Variants in MKRN1 observed in about 807,000 individuals in gnomAD.
The protein encoded by MKRN1 is E3 ubiquitin-protein ligase makorin-1.
MKRN1 carries 9 observed loss-of-function variants against 55.5 expected under a neutral mutation model. The ratio of observed to expected loss-of-function variants is 0.16; its 90% CI spans 0.10 to 0.28. The LOEUF (loss-of-function observed/expected upper bound fraction) is 0.28, where lower values mean the gene tolerates loss of function less well. Among genes scored for constraint, MKRN1 ranks in the 10% least tolerant of loss-of-function variants. MKRN1 has a pLI of 1.00. For missense variants in MKRN1, 488 were observed against 626.7 expected, an observed-to-expected ratio of 0.78 and a Z score of 2.36; for synonymous variants, 253 against 235.9, an observed-to-expected ratio of 1.07 and a Z score of -0.66.
intron 1 of MKRN1, among the ~76,000 whole-genome samples, chr7:140,474,035 AAGAAAGAAAG>A (rs1795035654): frequency 1.1e-5 from 1 of 92,860 alleles, no homozygotes; most frequent in Non-Finnish European, 1.9e-5. Context: ...GAAAGAAAGA[AAGAAAGAAAG>A]AAAGAAAGAA....
In MKRN1 at chr7:140,460,044, T is replaced by C. The variant is rs1237384711; in HGVS notation, c.315-108A>G. On this transcript the variant is annotated intron_variant, in intron 2 of 7. Coordinates refer to ENST00000255977, the MANE Select transcript of MKRN1 (RefSeq NM_013446.4). Reference sequence around the variant, plus strand: ...GGTGGATCACCAGAGAGGTTGGGAGTTCGAGACCAGCCTGGCCAATGTGGT... The same window carrying C: ...GGTGGATCACCAGAGAGGTTGGGAGCTCGAGACCAGCCTGGCCAATGTGGT... The C allele has an allele frequency of 6.3e-6, 6 of 952,104 alleles. No individual in the cohort carries two copies. The South Asian group carries it at 9.0e-5, about 14-fold the overall frequency. 59.0% of individuals were successfully genotyped at this position (952,104 alleles called of 1,614,324 possible). A position where few individuals can be genotyped will look rare whatever the true frequency, so the allele number is the denominator to read the frequency against.
chr7:140,458,326 CA>C (rs1794524263), intron 4 of MKRN1, among the ~76,000 whole-genome samples: 1 of 152,134 alleles, frequency 6.6e-6, no homozygotes. Flanking sequence ...ATTCAGCCAT[CA>C]AAACTAAGAA....
At chr7:140,474,125 G>A (rs1377028129) in intron 1 of MKRN1, among the ~76,000 whole-genome samples, 1 of 152,002 alleles carries the variant, frequency 6.6e-6, no homozygotes, top group Non-Finnish European at 1.5e-5. Context: ...ACTTTGGGAG[G>A]CAGAGGCAGG....
intron 2 of MKRN1, among the ~76,000 whole-genome samples, chr7:140,469,187 G>A (rs7786776): frequency 0.27 from 40,813 of 151,852 alleles, 9,340 homozygotes; most frequent in African/African-American, 0.63. Context: ...TTAGCCAGGC[G>A]TGGTGGCGGG....
intron 2 of MKRN1, among the ~76,000 whole-genome samples, chr7:140,466,391 C>A (rs1245053780): frequency 2.0e-5 from 3 of 152,134 alleles, no homozygotes; most frequent in African/African-American, 4.8e-5. Context: ...AGGCCAGGCC[C>A]AGTAGGCTCA....
At chr7:140,478,951 G>A in intron 1 of MKRN1, 3 of 509,752 alleles carry the variant, frequency 5.9e-6, no homozygotes, top group South Asian at 9.9e-5. Flanking sequence ...GGACAGCGCT[G>A]AGGGCTCCGC....
chr7:140,468,453 C>A (rs894558969), intron 2 of MKRN1, among the ~76,000 whole-genome samples: 7 of 147,348 alleles, frequency 4.8e-5, no homozygotes, highest in African/African-American at 1.5e-4. Context: ...GTAATCCCAG[C>A]ACTTTGGGAG....
At chr7:140,455,298 C>A in intron 6 of MKRN1, 65 bp from the exon 7 acceptor site, 1 of 1,594,788 alleles carries the variant, frequency 6.3e-7, no homozygotes, top group South Asian at 1.1e-5. Context: ...GACTATCATC[C>A]GGGGTTTCTT....
Position 140,454,370 on chromosome 7 carries a change from GA to G in MKRN1, c.*146del, listed in dbSNP as rs1794408039. On this transcript the variant is annotated 3_prime_UTR_variant, in exon 8 of 8. Transcript: ENST00000255977. ...ACTCCTCAGGGAAAGGTGAGGGGTT[GA>G]GAAGACAGGCCCTGGGTAAAAATTC... 2.9e-6 allele frequency: 2 copies of G among 696,082 alleles called. No individual in the cohort carries two copies. Among genetic ancestry groups the G allele is most frequent in the Admixed American group, 5.0e-5 (2 of 39,748 alleles). 43.1% of individuals were successfully genotyped at this position (696,082 alleles called of 1,614,324 possible).
intron 2 of MKRN1, among the ~76,000 whole-genome samples, chr7:140,466,568 G>A (rs542840367): frequency 6.3e-4 from 96 of 152,220 alleles, no homozygotes; most frequent in African/African-American, 2.3e-3. Flanking sequence ...ACTTTGGGAG[G>A]CCGAGGCGGG....
At chr7:140,473,933 A>G (rs1383704133) in intron 1 of MKRN1, 1 of 150,618 alleles carries the variant, frequency 6.6e-6, no homozygotes, top group Non-Finnish European at 1.5e-5. Flanking sequence ...TGGCGATTGC[A>G]CCGAGCCAAG....
chr7:140,455,897 G>C lies in MKRN1; in HGVS notation c.990C>G (p.Ser330=). 5 of 1,612,068 alleles carry C rather than the reference G, an allele frequency of 3.1e-6. No individual in the cohort carries two copies. Among genetic ancestry groups the C allele is most frequent in the Non-Finnish European group, 4.2e-6 (5 of 1,178,132 alleles). ...TAGATGTGATCCGGCATTCTGGGCA[G>C]GACCTGGGAAACAATGAACAGGCTG... ...AKQFESKIIK[S]CPECRITSNF... is the part of the protein sequence containing the mutation. Residue 330 remains serine (S), a synonymous_variant, in exon 6 of 8, where the codon TCC becomes TCG. Coordinates refer to ENST00000255977, the MANE Select transcript of MKRN1 (RefSeq NM_013446.4).
At chr7:140,460,225 C>T (rs533122979) in intron 2 of MKRN1, 227 of 192,220 alleles carry the variant, frequency 1.2e-3, no homozygotes, top group African/African-American at 5.0e-3. Context: ...CCAGCCTGGG[C>T]GACAGAGTGA....
intron 1 of MKRN1, among the ~76,000 whole-genome samples, chr7:140,477,377 A>C (rs1202285441): frequency 6.6e-6 from 1 of 151,954 alleles, no homozygotes; most frequent in East Asian, 1.9e-4. Flanking sequence ...GCTGGAGTGA[A>C]GTGGTGTGAT....
In MKRN1 at chr7:140,459,253, T is replaced by TG. The variant is rs761670884; in HGVS notation, c.545-21dup. ...GCGCAGCTGAAAATGTGTAAGAGGG[T>TG]GGTAAAGGTCCAAATAGATAAGGCA... On this transcript the variant is annotated intron_variant, in intron 3 of 7. Transcript: ENST00000255977. The TG allele has an allele frequency of 4.2e-5, 67 of 1,611,754 alleles. No homozygotes were observed. Among genetic ancestry groups the TG allele is most frequent in the Non-Finnish European group, 5.7e-5 (67 of 1,178,376 alleles).
intron 7 of MKRN1, 53 bp from the exon 8 acceptor site, chr7:140,454,782 T>C: frequency 1.3e-6 from 2 of 1,564,926 alleles, no homozygotes. Context: ...GTATCTTCTA[T>C]CCTGTTGTTT....
chr7:140,456,053 G>T (rs1440758655), intron 5 of MKRN1, 153 bp from the exon 6 acceptor site: 2 of 912,030 alleles, frequency 2.2e-6, no homozygotes, highest in Non-Finnish European at 3.1e-6. Flanking sequence ...TCACACAACT[G>T]ACCATTTCTT....
intron 1 of MKRN1, chr7:140,473,450 A>G (rs1368139839): frequency 4.0e-6 from 1 of 251,528 alleles, no homozygotes; most frequent in African/African-American, 2.3e-5. Context: ...TAAGGGTACA[A>G]GAGAACCAAA....
chr7:140,479,495 T>A lies in MKRN1; in HGVS notation c.-151A>T. On this transcript the variant is annotated 5_prime_UTR_variant, in exon 1 of 8. Coordinates refer to ENST00000255977, the MANE Select transcript of MKRN1 (RefSeq NM_013446.4). ...CCCCGCCTGCTACGCGTCGCGTATC[T>A]GAGCGCTCTCGCCACTTCAACTGCG... The A allele has an allele frequency of 1.2e-6, 1 of 814,692 alleles. No homozygotes were observed. Among genetic ancestry groups the A allele is most frequent in the Non-Finnish European group, 1.7e-6 (1 of 601,930 alleles). The allele number at this position is 814,692 out of a possible 1,614,324, so 50.5% of individuals were successfully genotyped here.
Sources: allele counts gnomAD v4.1 joint callset (sites outside exome capture counted in the v4.1 genomes callset), GRCh38; gene constraint gnomAD v4.1.1; transcripts MANE v1.5; gene names NCBI Gene and HGNC (gene_info 2026-07-23, HGNC 2026-07-21).